LRRIQ3: variants seen among roughly 807,000 people sequenced by gnomAD.
The protein encoded by LRRIQ3 is leucine-rich repeat and IQ domain-containing protein 3.
A neutral mutation model predicts 59.3 loss-of-function variants in LRRIQ3; 75 were observed. That is an observed-to-expected ratio of 1.26 (90% CI 1.05 to 1.53). The LOEUF is 1.53. Among genes scored for constraint, LRRIQ3 ranks in the 40% most tolerant of loss-of-function variants. The probability of loss-of-function intolerance (pLI) is 0.00; values close to 1 mark genes in which losing one functional copy is unlikely to be tolerated. For missense variants in LRRIQ3, 831 were observed against 710.0 expected (o/e 1.17, Z -1.94); for synonymous variants, 250 against 231.3 (o/e 1.08, Z -0.73).
chr1:74,070,522 G>A (rs1268322859), intron 6 of LRRIQ3, among the ~76,000 whole-genome samples: 3 of 151,720 alleles, frequency 2.0e-5, no homozygotes, highest in Non-Finnish European at 4.4e-5. Context: ...ATATGTATTG[G>A]GCACTATGCT....
chr1:74,103,787 T>TCCC (rs545705860), intron 5 of LRRIQ3, among the ~76,000 whole-genome samples: 175 of 134,824 alleles, frequency 1.3e-3, no homozygotes, highest in African/African-American at 4.5e-3. Flanking sequence ...CCTCTGTCCT[T>TCCC]CCCCCCCCCG....
chr1:74,090,166 A>G (rs1646379530), intron 5 of LRRIQ3, among the ~76,000 whole-genome samples: 1 of 152,044 alleles, frequency 6.6e-6, no homozygotes, highest in African/African-American at 2.4e-5. Flanking sequence ...ATTACTAGCT[A>G]TAACACTTCC....
At chr1:74,183,086 C>G (rs142866268) in intron 2 of LRRIQ3, 1 of 343,512 alleles carries the variant, frequency 2.9e-6, no homozygotes, top group African/African-American at 2.1e-5. Flanking sequence ...AAATGCATAA[C>G]CATACTTTTT....
intron 3 of LRRIQ3, among the ~76,000 whole-genome samples, chr1:74,159,794 A>T (rs905255288): frequency 1.3e-5 from 2 of 152,102 alleles, no homozygotes; most frequent in Non-Finnish European, 2.9e-5. Flanking sequence ...CAAAACTATA[A>T]ATAATTATCT....
intron 5 of LRRIQ3, among the ~76,000 whole-genome samples, chr1:74,084,597 T>C (rs1366923836): frequency 6.6e-6 from 1 of 151,726 alleles, no homozygotes; most frequent in East Asian, 1.9e-4. Context: ...AGTGCAGATC[T>C]TATGTAAAAC....
At chr1:74,177,472 G>A (rs911786962) in intron 3 of LRRIQ3, among the ~76,000 whole-genome samples, 2 of 151,980 alleles carry the variant, frequency 1.3e-5, no homozygotes, top group Non-Finnish European at 2.9e-5. Flanking sequence ...TCCCTCTGGG[G>A]AACCCTGACT....
intron 3 of LRRIQ3, among the ~76,000 whole-genome samples, chr1:74,169,540 G>C (rs1649194805): frequency 6.6e-6 from 1 of 151,942 alleles, no homozygotes; most frequent in African/African-American, 2.4e-5. Context: ...GTGTACAAAG[G>C]TTTCAATTTC....
chr1:74,167,344 G>A (rs1465770208), intron 3 of LRRIQ3, among the ~76,000 whole-genome samples: 2 of 151,682 alleles, frequency 1.3e-5, no homozygotes, highest in African/African-American at 4.8e-5. Flanking sequence ...TCTAAGTGAA[G>A]TAACTCAGGA....
intron 6 of LRRIQ3, among the ~76,000 whole-genome samples, chr1:74,062,007 C>A (rs1345558669): frequency 2.0e-5 from 3 of 152,062 alleles, no homozygotes; most frequent in African/African-American, 7.2e-5. Flanking sequence ...GCACTCCAGC[C>A]TGGGAGACAG....
intron 5 of LRRIQ3, among the ~76,000 whole-genome samples, chr1:74,105,771 G>A (rs913624519): frequency 1.3e-5 from 2 of 151,932 alleles, no homozygotes; most frequent in African/African-American, 4.8e-5. Context: ...AACATAGCAT[G>A]TATATAGTTC....
chr1:74,198,028 G>T lies in LRRIQ3; in HGVS notation c.-33C>A. Reference sequence around the variant, plus strand: ...ACTGGGCTGCAAGCCCTTATGAGTTGGAGACAAGTGGCCCAGCCCCAACAC... The same window carrying T: ...ACTGGGCTGCAAGCCCTTATGAGTTTGAGACAAGTGGCCCAGCCCCAACAC... On this transcript the variant is annotated 5_prime_UTR_variant, in exon 1 of 8. Coordinates refer to ENST00000354431, the MANE Select transcript of LRRIQ3 (RefSeq NM_001105659.2). The T allele has an allele frequency of 1.4e-6, 1 of 698,410 alleles. No homozygotes were observed. The highest frequency in any genetic ancestry group is 2.9e-5 in the East Asian group (1 of 34,834). 43.3% of individuals were successfully genotyped at this position (698,410 alleles called of 1,614,324 possible).
intron 6 of LRRIQ3, among the ~76,000 whole-genome samples, chr1:74,043,509 G>C (rs1316545523): frequency 6.6e-6 from 1 of 152,046 alleles, no homozygotes; most frequent in East Asian, 1.9e-4. Flanking sequence ...AAATAGAAAA[G>C]GCAGTCCATC....
At chr1:74,043,712 A>G (rs1194799071) in intron 6 of LRRIQ3, among the ~76,000 whole-genome samples, 4 of 152,122 alleles carry the variant, frequency 2.6e-5, no homozygotes, top group Non-Finnish European at 4.4e-5. Flanking sequence ...ACTCACTGCT[A>G]TATTTATCTT....
intron 4 of LRRIQ3, among the ~76,000 whole-genome samples, chr1:74,121,750 C>G (rs1646860420): frequency 9.1e-6 from 1 of 109,668 alleles, no homozygotes; most frequent in African/African-American, 3.6e-5. Flanking sequence ...CACCCCACAA[C>G]AGGCCCCAGT....
intron 4 of LRRIQ3, among the ~76,000 whole-genome samples, chr1:74,153,413 C>T (rs755165924): frequency 1.3e-5 from 2 of 152,090 alleles, no homozygotes; most frequent in African/African-American, 2.4e-5. Context: ...CACAAGAAGA[C>T]TAATCACTCG....
At chr1:74,156,422 C>T (rs914207747) in intron 3 of LRRIQ3, among the ~76,000 whole-genome samples, 1 of 152,010 alleles carries the variant, frequency 6.6e-6, no homozygotes, top group African/African-American at 2.4e-5. Flanking sequence ...ATAATAAATA[C>T]ATTTTTATTA....
chr1:74,140,698 A>G (rs919439516), intron 4 of LRRIQ3, among the ~76,000 whole-genome samples: 4 of 151,858 alleles, frequency 2.6e-5, no homozygotes, highest in Non-Finnish European at 5.9e-5. Flanking sequence ...CATATAGGAC[A>G]GGATTTCCTA....
intron 3 of LRRIQ3, among the ~76,000 whole-genome samples, chr1:74,175,653 A>C (rs1290831218): frequency 6.6e-6 from 1 of 152,148 alleles, no homozygotes. Context: ...TGGGTTCTGG[A>C]ATTCTCACAA....
chr1:74,048,767 T>C (rs1184548978), intron 6 of LRRIQ3, among the ~76,000 whole-genome samples: 1 of 152,186 alleles, frequency 6.6e-6, no homozygotes, highest in Admixed American at 6.6e-5. Flanking sequence ...TTGTTAAATA[T>C]AGAAGTCCAA....
Sources: allele counts gnomAD v4.1 joint callset (sites outside exome capture counted in the v4.1 genomes callset), GRCh38; gene constraint gnomAD v4.1.1; transcripts MANE v1.5; gene names NCBI Gene and HGNC (gene_info 2026-07-23, HGNC 2026-07-21).